Variants in SLC38A10 observed in about 807,000 individuals in gnomAD.
The protein encoded by SLC38A10 is solute carrier family 38 member 10.
In SLC38A10, 53 loss-of-function variants were observed where a neutral mutation model predicts 81.0. That is an observed-to-expected ratio of 0.65 (90% CI 0.53 to 0.82). The LOEUF is 0.82. Among genes scored for constraint, SLC38A10 ranks in the 40% least tolerant of loss-of-function variants. SLC38A10 has a pLI of 0.00. For missense variants in SLC38A10, 1,471 were observed against 1,545.0 expected (o/e 0.95, Z 0.80); for synonymous variants, 665 against 655.3 (o/e 1.01, Z -0.23).
At position 81,251,481 on chromosome 17, in the gene SLC38A10, C is replaced by G. The variant is rs369382365; in HGVS notation, c.2065+12G>C. On this transcript the variant is annotated intron_variant, in intron 14 of 15. Transcript: ENST00000374759. ...GGGCCTGAGGCAGGCGGCTGTAGGG[C>G]GGAGGCCTTACCCTCCAGCTGGCTG... 2.1e-5 allele frequency: 33 copies of G among 1,604,062 alleles called. No individual in the cohort carries two copies. In the African/African-American group the frequency reaches 3.3e-4, roughly 16 times the overall value.
At position 81,281,494 on chromosome 17, in the gene SLC38A10, C is replaced by T. The variant is rs1285894918; in HGVS notation, c.501+695G>A. On this transcript the variant is annotated intron_variant, in intron 5 of 15. Transcript: ENST00000374759. The surrounding 1 kb of genome is among the most constrained non-coding windows in gnomAD (Gnocchi z 5.3). ...AAATTCTCATTTAGAAAAATAATAGCGGCCGGGCGTGGTGGCTCATGCCTG... is the reference window on the plus strand; with the variant it reads ...AAATTCTCATTTAGAAAAATAATAGTGGCCGGGCGTGGTGGCTCATGCCTG... 6.6e-6 allele frequency among the ~76,000 whole-genome samples: 1 copy of T among 152,032 alleles called. No homozygotes were observed. The highest frequency in any genetic ancestry group is 1.5e-5 in the Non-Finnish European group (1 of 68,008).
Position 81,246,063 on chromosome 17 carries a change from C to A in SLC38A10, c.2853G>T (p.Gln951His), listed in dbSNP as rs375882055. 5.0e-6 allele frequency: 8 copies of A among 1,609,422 alleles called. No homozygotes were observed. In the South Asian group the frequency reaches 7.7e-5, roughly 15 times the overall value. Residue 951 changes from glutamine (Q) to histidine (H), a missense_variant, in exon 16 of 16, where the codon CAG (glutamine) becomes CAT (histidine). Gln to His is a conservative substitution (Grantham distance 24). Coordinates refer to ENST00000374759, the MANE Select transcript of SLC38A10 (RefSeq NM_001037984.3). The stretch of plus-strand genomic sequence containing the variant: ...CCGGCTGGCGTAACACAGCCTGGGG[C>A]TGTGCAGCTGCTCCTTCCGCCCCAC... ...LPGGAEGAAA[Q>H]PQAVLRQPEL...
chr17:81,261,382 C>T (rs1225712233), intron 10 of SLC38A10, among the ~76,000 whole-genome samples: 2 of 152,232 alleles, frequency 1.3e-5, no homozygotes, highest in African/African-American at 2.4e-5. Flanking sequence ...CGCTAACTCC[C>T]GGTTGGGCAG....
intron 3 of SLC38A10, 41 bp downstream of exon 3, chr17:81,284,809 G>C (rs1456239286): frequency 1.4e-6 from 2 of 1,479,120 alleles, no homozygotes; most frequent in African/African-American, 2.8e-5. Flanking sequence ...GTGTCTGGGT[G>C]CGGGGGTGGG....
chr17:81,293,616 T>C (rs2063326661), intron 1 of SLC38A10, among the ~76,000 whole-genome samples: 1 of 152,116 alleles, frequency 6.6e-6, no homozygotes, highest in Non-Finnish European at 1.5e-5. Flanking sequence ...AGACTACAGG[T>C]ATGCACCACC....
intron 8 of SLC38A10, 130 bp downstream of exon 8, chr17:81,275,839 C>A: frequency 9.2e-7 from 1 of 1,089,008 alleles, no homozygotes; most frequent in Non-Finnish European, 1.3e-6. Context: ...CCAACTTCCG[C>A]CCTCCCGGGA....
intron 14 of SLC38A10, among the ~76,000 whole-genome samples, chr17:81,248,499 C>T (rs1298923971): frequency 1.3e-5 from 2 of 152,256 alleles, no homozygotes; most frequent in African/African-American, 4.8e-5. Flanking sequence ...CTCGCTTCAA[C>T]ACTGGCCAGT....
intron 14 of SLC38A10, among the ~76,000 whole-genome samples, chr17:81,250,595 CCT>C (rs1401591627): frequency 1.3e-5 from 2 of 152,246 alleles, no homozygotes; most frequent in Non-Finnish European, 2.9e-5. Context: ...TGGAACAGAC[CCT>C]CTCAATGCTG....
rs2063287579 is a variant in SLC38A10, at chr17:81,288,679, A to G, written c.217+1012T>C. On this transcript the variant is annotated intron_variant, in intron 2 of 15. Transcript: ENST00000374759. The surrounding 1 kb of genome is among the most constrained non-coding windows in gnomAD (Gnocchi z 5.4). The stretch of plus-strand genomic sequence containing the variant: ...TGGCTGAAACAGCATTAAAGCAAGA[A>G]AGAACTAAGGGAAACAAAACTGCAA... 1 of 152,424 alleles carries G rather than the reference A, an allele frequency of 6.6e-6. No individual in the cohort carries two copies. The highest frequency in any genetic ancestry group is 2.1e-4 in the South Asian group (1 of 4,840). The allele number at this position is 152,424 out of a possible 1,614,324, so 9.4% of individuals were successfully genotyped here.
rs1483248104 is a variant in SLC38A10 at position 81,283,571 on chromosome 17, G to A, written c.264-69C>T. The A allele has an allele frequency of 2.5e-6, 3 of 1,216,992 alleles. No homozygotes were observed. Among genetic ancestry groups the A allele is most frequent in the African/African-American group, 1.5e-5 (1 of 66,222 alleles). 75.4% of individuals were successfully genotyped at this position (1,216,992 alleles called of 1,614,324 possible). ...TGGCACACACCTGGGCTGCCGCCAGGGACTACCCCAAGGCTGGGCTGAATG... is the reference window on the plus strand; with the variant it reads ...TGGCACACACCTGGGCTGCCGCCAGAGACTACCCCAAGGCTGGGCTGAATG... On this transcript the variant is annotated intron_variant, in intron 3 of 15. Transcript: ENST00000374759. This position sits in a 1 kb window ranked among gnomAD's most constrained non-coding sequence, Gnocchi z 4.7.
chr17:81,247,589 G>A (rs2062864395), intron 14 of SLC38A10: 1 of 152,056 alleles, frequency 6.6e-6, no homozygotes, highest in African/African-American at 2.4e-5. Context: ...AATTTGGGAG[G>A]CGGAGGCAGG....
At position 81,255,417 on chromosome 17, in the gene SLC38A10, C is replaced by T. The variant is rs151114451; in HGVS notation, c.1289-2177G>A. On this transcript the variant is annotated intron_variant, in intron 11 of 15. Transcript: ENST00000374759. The stretch of plus-strand genomic sequence containing the variant: ...AACTTCAAAATCAGCAACTGAAAAA[C>T]GTCCGAGTGCTGCCAGCCGCTTCCA... Among the ~76,000 whole-genome samples, 349 of 152,382 alleles carry T rather than the reference C, an allele frequency of 2.3e-3. 4 individuals carry two copies. The highest frequency in any genetic ancestry group is 8.1e-3 in the African/African-American group (335 of 41,598).
Position 81,246,546 on chromosome 17 carries a change from G to T in SLC38A10, c.2370C>A (p.Gly790=). The T allele has an allele frequency of 6.6e-7, 1 of 1,516,142 alleles. No homozygotes were observed. 93.9% of individuals were successfully genotyped at this position (1,516,142 alleles called of 1,614,324 possible). ...TAAGGTCCTGGGATGGAGCAGGGCGGCCCCCAGGAGCTCTGAGGACAGGGT... is the reference window on the plus strand; with the variant it reads ...TAAGGTCCTGGGATGGAGCAGGGCGTCCCCCAGGAGCTCTGAGGACAGGGT... ...PLDPVLRAPG[G]RPAPSQDLNQ... Residue 790 remains glycine, a synonymous_variant, in exon 16 of 16, where the codon GGC becomes GGA. Transcript: ENST00000374759.
chr17:81,284,801 G>C (rs757496616), intron 3 of SLC38A10, 49 bp downstream of exon 3: 2 of 1,434,052 alleles, frequency 1.4e-6, no homozygotes, highest in South Asian at 2.7e-5. Context: ...GGTCCCCAGT[G>C]TCTGGGTGCG....
Position 81,260,221 on chromosome 17 carries a change from A to G in SLC38A10, c.1288+17T>C. ...GCACTTGCCCTGAGAAGGCTCAGAG[A>G]GCCAGGGTGGGCATACCTGAGAGCC... is the stretch of plus-strand genomic sequence containing the variant. On this transcript the variant is annotated intron_variant, in intron 11 of 15. Transcript: ENST00000374759. 2 of 1,591,350 alleles carry G rather than the reference A, an allele frequency of 1.3e-6. No homozygotes were observed. Among genetic ancestry groups the G allele is most frequent in the Non-Finnish European group, 1.7e-6 (2 of 1,169,742 alleles).
chr17:81,289,579 C>A lies in SLC38A10; in HGVS notation c.217+112G>T. ...CATTACATTTTAAAATAAAAAAAAC[C>A]CTGCTATCCAAGGAATTCTTGAAGA... is the stretch of plus-strand genomic sequence containing the variant. On this transcript the variant is annotated intron_variant, in intron 2 of 15. Coordinates refer to ENST00000374759, the MANE Select transcript of SLC38A10 (RefSeq NM_001037984.3). The surrounding 1 kb of genome is among the most constrained non-coding windows in gnomAD (Gnocchi z 5.9). 1 of 742,374 alleles carries A rather than the reference C, an allele frequency of 1.3e-6. No homozygotes were observed. The highest frequency in any genetic ancestry group is 2.0e-6 in the Non-Finnish European group (1 of 506,566). The allele number at this position is 742,374 out of a possible 1,614,324, so 46.0% of individuals were successfully genotyped here.
rs969575934 is a variant in SLC38A10, at chr17:81,286,687, C to T, written c.218-1792G>A. ...CTGTGAGCGGCGAGCTCTGAGGGCG[C>T]GGCCTCCATGCAGGGTGTACCCTAC... is the stretch of plus-strand genomic sequence containing the variant. On this transcript the variant is annotated intron_variant, in intron 2 of 15. Transcript: ENST00000374759. The surrounding 1 kb of genome is among the most constrained non-coding windows in gnomAD (Gnocchi z 6.0). Among the ~76,000 whole-genome samples, 2 of 152,172 alleles carry T rather than the reference C, an allele frequency of 1.3e-5. No homozygotes were observed. Among genetic ancestry groups the T allele is most frequent in the Non-Finnish European group, 2.9e-5 (2 of 68,036 alleles).
chr17:81,251,828 G>A (rs192917851), intron 13 of SLC38A10: 1 of 544,140 alleles, frequency 1.8e-6, no homozygotes, highest in African/African-American at 1.9e-5. Flanking sequence ...TGAGCCAATG[G>A]TAACTGCCTT....
chr17:81,283,366 C>A lies in SLC38A10; in HGVS notation c.357+43G>T. Reference sequence around the variant, plus strand: ...GATCCCACAGAGGGCCTCAGAGCAGCCGTCAGCATCTGAACAACCCAGAAC... The same window carrying A: ...GATCCCACAGAGGGCCTCAGAGCAGACGTCAGCATCTGAACAACCCAGAAC... On this transcript the variant is annotated intron_variant, in intron 4 of 15. Transcript: ENST00000374759. This position sits in a 1 kb window ranked among gnomAD's most constrained non-coding sequence, Gnocchi z 4.7. 1.3e-6 allele frequency: 2 copies of A among 1,561,686 alleles called. No homozygotes were observed. The highest frequency in any genetic ancestry group is 2.3e-5 in the East Asian group (1 of 43,428).
Sources: gnomAD v4.1 joint callset for allele counts (sites outside exome capture counted in the v4.1 genomes callset) on GRCh38, gnomAD v4.1.1 for gene constraint, Gnocchi (gnomAD v3.1) non-coding constraint, MANE v1.5 for transcripts, NCBI Gene and HGNC (gene_info 2026-07-23, HGNC 2026-07-21) for gene names.